Variants in TLL1 observed in about 807,000 individuals in gnomAD.
TLL1 encodes tolloid like 1.
TLL1 carries 49 observed loss-of-function variants against 128.2 expected under a neutral mutation model. That is an observed-to-expected ratio of 0.38 (90% CI 0.30 to 0.48). The LOEUF (loss-of-function observed/expected upper bound fraction) is 0.48, where lower values mean the gene tolerates loss of function less well. Among genes scored for constraint, TLL1 ranks in the 20% least tolerant of loss-of-function variants. The pLI, the probability that TLL1 is intolerant of heterozygous loss-of-function variation, is 0.96. For synonymous variants in TLL1, 454 were observed against 418.8 expected, an observed-to-expected ratio of 1.08 and a Z score of -1.03; for missense variants, 1,123 against 1,242.0, an observed-to-expected ratio of 0.90 and a Z score of 1.44.
Position 165,992,880 on chromosome 4 carries a change from C to G in TLL1, c.357C>G (p.Gly119=), listed in dbSNP as rs142980270. 1.0e-4 allele frequency: 162 copies of G among 1,612,818 alleles called. 3 individuals are homozygous for G. In the South Asian group the frequency reaches 1.3e-3, roughly 13 times the overall value. Residue 119 remains glycine (G), a synonymous_variant, in exon 3 of 21, where the codon GGC becomes GGG. Coordinates refer to ENST00000061240, the MANE Select transcript of TLL1 (RefSeq NM_012464.5). ...YQLIDRIRRI[G]FGLEQNNTVK... is the part of the protein sequence containing the mutation. The stretch of plus-strand genomic sequence containing the variant: ...TTATAGACAGGATAAGAAGAATTGG[C>G]TTTGGTATATCAATGTTTAAAGTTG...
At chr4:166,079,347 A>G (rs1741183238) in intron 18 of TLL1, among the ~76,000 whole-genome samples, 1 of 152,140 alleles carries the variant, frequency 6.6e-6, no homozygotes, top group African/African-American at 2.4e-5. Flanking sequence ...TTTCTGAAGA[A>G]TTTATTTTTA....
chr4:165,917,432 T>A (rs1463576410), intron 1 of TLL1, among the ~76,000 whole-genome samples: 1 of 152,152 alleles, frequency 6.6e-6, no homozygotes, highest in Non-Finnish European at 1.5e-5. Flanking sequence ...TTTCCTTGGG[T>A]ATAAAATGGG....
At chr4:166,048,240 A>G (rs867541455) in intron 12 of TLL1, among the ~76,000 whole-genome samples, 4 of 123,452 alleles carry the variant, frequency 3.2e-5, no homozygotes, top group African/African-American at 1.6e-4. Context: ...CCGTCTCGGA[A>G]AAAAAAAAAA....
intron 1 of TLL1, among the ~76,000 whole-genome samples, chr4:165,898,888 T>C (rs530198740): frequency 6.6e-6 from 1 of 152,342 alleles, no homozygotes; most frequent in African/African-American, 2.4e-5. Flanking sequence ...GCCTATTAAT[T>C]ACTGCCTCAA....
intron 16 of TLL1, among the ~76,000 whole-genome samples, chr4:166,071,666 A>G (rs1740809832): frequency 6.6e-6 from 1 of 151,938 alleles, no homozygotes; most frequent in Admixed American, 6.6e-5. Context: ...ATTCTTGAAA[A>G]CAGAGTTTTT....
intron 9 of TLL1, among the ~76,000 whole-genome samples, chr4:166,031,260 A>G (rs1035322222): frequency 1.3e-5 from 2 of 151,916 alleles, no homozygotes; most frequent in African/African-American, 4.8e-5. Context: ...AAATAGAACT[A>G]TGTACGGCTT....
chr4:166,000,330 A>G (rs13123379), intron 5 of TLL1, among the ~76,000 whole-genome samples: 81,145 of 152,038 alleles, frequency 0.53, 23,491 homozygotes, highest in Admixed American at 0.66. Context: ...CTGAGAGTCT[A>G]GAATTCATCT....
At chr4:165,956,415 C>G (rs1166304686) in intron 1 of TLL1, among the ~76,000 whole-genome samples, 2 of 151,972 alleles carry the variant, frequency 1.3e-5, no homozygotes, top group Non-Finnish European at 2.9e-5. Flanking sequence ...TATAGACCTC[C>G]CCCCAGGAAT....
chr4:165,926,918 T>C (rs1166371749), intron 1 of TLL1, among the ~76,000 whole-genome samples: 2 of 152,190 alleles, frequency 1.3e-5, no homozygotes, highest in Non-Finnish European at 2.9e-5. Flanking sequence ...ATATACTAGG[T>C]TAATGTTACT....
intron 1 of TLL1, among the ~76,000 whole-genome samples, chr4:165,958,023 C>T (rs964779255): frequency 6.6e-6 from 1 of 151,240 alleles, no homozygotes; most frequent in Non-Finnish European, 1.5e-5. Context: ...ATCCATGTCC[C>T]TACAAAGGAC....
At position 165,994,232 on chromosome 4, in the gene TLL1, T is replaced by A. The variant is rs1030303034; in HGVS notation, c.362-149T>A. 14 of 787,090 alleles carry A rather than the reference T, an allele frequency of 1.8e-5. No individual in the cohort carries two copies. In the East Asian group the frequency reaches 2.4e-4, roughly 13 times the overall value. 48.8% of individuals were successfully genotyped at this position (787,090 alleles called of 1,614,324 possible). On this transcript the variant is annotated intron_variant, in intron 3 of 20. Coordinates refer to ENST00000061240, the MANE Select transcript of TLL1 (RefSeq NM_012464.5). ...AATGCTTTTGTTCAAGTATGTAATA[T>A]AACTGAAGTTTTTCTTTAATGCATT...
intron 10 of TLL1, 44 bp from the exon 11 acceptor site, chr4:166,041,981 TAG>T: frequency 7.7e-7 from 1 of 1,293,346 alleles, no homozygotes; most frequent in Non-Finnish European, 1.1e-6. Context: ...ACGTAGAATA[TAG>T]AGTCCTATTT....
chr4:165,907,279 G>A (rs1013172511), intron 1 of TLL1, among the ~76,000 whole-genome samples: 1 of 152,032 alleles, frequency 6.6e-6, no homozygotes, highest in South Asian at 2.1e-4. Context: ...TAGGGCCATA[G>A]TAGACATTTC....
chr4:165,983,240 C>T (rs543535725), intron 1 of TLL1, among the ~76,000 whole-genome samples: 6 of 151,860 alleles, frequency 4.0e-5, no homozygotes, highest in Non-Finnish European at 7.4e-5. Context: ...AAATCCTATC[C>T]GCAGACATTG....
At chr4:165,896,762 C>T (rs186848257) in intron 1 of TLL1, among the ~76,000 whole-genome samples, 33 of 152,134 alleles carry the variant, frequency 2.2e-4, no homozygotes, top group African/African-American at 6.7e-4. Flanking sequence ...GCATTACAGG[C>T]GTGAGGCACC....
At chr4:165,995,265 T>A in intron 5 of TLL1, 87 bp downstream of exon 5, 2 of 1,027,306 alleles carry the variant, frequency 1.9e-6, no homozygotes, top group Non-Finnish European at 3.1e-6. Context: ...ATTTATTTCT[T>A]AAGATTTGCT....
At chr4:165,929,494 G>A (rs1372079982) in intron 1 of TLL1, among the ~76,000 whole-genome samples, 1 of 150,598 alleles carries the variant, frequency 6.6e-6, no homozygotes, top group Non-Finnish European at 1.5e-5. Context: ...AGCCAAGATC[G>A]TGCCACTGCA....
At chr4:166,016,820 T>G (rs1344131606) in intron 8 of TLL1, among the ~76,000 whole-genome samples, 1 of 151,954 alleles carries the variant, frequency 6.6e-6, no homozygotes, top group Non-Finnish European at 1.5e-5. Context: ...TATAGAGAGA[T>G]ATATAAATAT....
chr4:165,910,300 C>A (rs954106618), intron 1 of TLL1, among the ~76,000 whole-genome samples: 1 of 152,110 alleles, frequency 6.6e-6, no homozygotes. Flanking sequence ...GAGGGGGCAA[C>A]AAATGGAGGG....
Sources: gnomAD v4.1 joint callset for allele counts (sites outside exome capture counted in the v4.1 genomes callset) on GRCh38, gnomAD v4.1.1 for gene constraint, MANE v1.5 for transcripts, NCBI Gene and HGNC (gene_info 2026-07-23, HGNC 2026-07-21) for gene names.